ARHGAP20: variants seen among roughly 807,000 people sequenced by gnomAD.
ARHGAP20 encodes the protein Rho GTPase activating protein 20, also known as rho GTPase-activating protein 20.
ARHGAP20 carries 34 observed loss-of-function variants against 73.7 expected under a neutral mutation model. The observed-to-expected ratio is 0.46, with a 90% CI of 0.35 to 0.61. The LOEUF is 0.61. Among genes scored for constraint, ARHGAP20 ranks in the 20% least tolerant of loss-of-function variants. ARHGAP20 has a pLI of 0.00. For missense variants in ARHGAP20, 1,314 were observed against 1,420.9 expected (o/e 0.92, Z 1.21); for synonymous variants, 523 against 518.2 (o/e 1.01, Z -0.13).
At chr11:110,693,056 G>A (rs949551645) in intron 1 of ARHGAP20, among the ~76,000 whole-genome samples, 1 of 151,960 alleles carries the variant, frequency 6.6e-6, no homozygotes, top group Admixed American at 6.6e-5. Flanking sequence ...TCAAAGAAGG[G>A]TGACAAATTT....
intron 1 of ARHGAP20, among the ~76,000 whole-genome samples, chr11:110,696,684 T>C (rs185589453): frequency 1.3e-5 from 2 of 151,712 alleles, no homozygotes; most frequent in Non-Finnish European, 3.0e-5. Context: ...ATAGTGAACA[T>C]TGTATCTGAT....
At chr11:110,706,115 T>A (rs1281048696) in intron 1 of ARHGAP20, among the ~76,000 whole-genome samples, 1 of 152,140 alleles carries the variant, frequency 6.6e-6, no homozygotes, top group African/African-American at 2.4e-5. Context: ...CTCCAAAGAA[T>A]GTATACTCTT....
At chr11:110,704,658 G>C (rs1049762052) in intron 1 of ARHGAP20, among the ~76,000 whole-genome samples, 1 of 152,144 alleles carries the variant, frequency 6.6e-6, no homozygotes, top group African/African-American at 2.4e-5. Flanking sequence ...CATTGTGGCA[G>C]AGTCTCCCGT....
At chr11:110,664,534 C>G (rs1949681036) in intron 2 of ARHGAP20, among the ~76,000 whole-genome samples, 1 of 152,024 alleles carries the variant, frequency 6.6e-6, no homozygotes, top group Admixed American at 6.5e-5. Context: ...GGAGACCATC[C>G]TGGCTAACAC....
intron 2 of ARHGAP20, among the ~76,000 whole-genome samples, chr11:110,638,153 T>C (rs944834934): frequency 1.3e-5 from 2 of 152,026 alleles, no homozygotes; most frequent in South Asian, 2.1e-4. Context: ...TATGACACCA[T>C]AAGTACAAAT....
At chr11:110,630,008 G>A (rs949196941) in intron 3 of ARHGAP20, among the ~76,000 whole-genome samples, 4 of 152,154 alleles carry the variant, frequency 2.6e-5, no homozygotes, top group African/African-American at 4.8e-5. Context: ...AGCCTACACA[G>A]GTCCTTATAA....
At chr11:110,659,425 A>T in intron 2 of ARHGAP20, among the ~76,000 whole-genome samples, 1 of 149,228 alleles carries the variant, frequency 6.7e-6, no homozygotes, top group East Asian at 2.0e-4. Context: ...TTTTCTTGTA[A>T]ATTTGTTTGA....
rs773355613 is a variant in ARHGAP20 at position 110,688,049 on chromosome 11, A to C, written c.188+2498T>G. Among the ~76,000 whole-genome samples, 9 of 152,328 alleles carry C rather than the reference A, an allele frequency of 5.9e-5. No homozygotes were observed. The East Asian group carries it at 1.5e-3, about 26-fold the overall frequency. ...AAAATACTTTGTGCTTATATATAAA[A>C]TAGGTTACAGGCATAGATAATTATA... On this transcript the variant is annotated intron_variant, in intron 2 of 14. Transcript: ENST00000683387.
chr11:110,597,289 A>G, intron 9 of ARHGAP20, among the ~76,000 whole-genome samples: 1 of 135,380 alleles, frequency 7.4e-6, no homozygotes, highest in East Asian at 2.0e-4. Context: ...TAATAATAAT[A>G]AAATTAAAAA....
At chr11:110,588,163 A>G (rs577406453) in intron 11 of ARHGAP20, among the ~76,000 whole-genome samples, 3 of 152,282 alleles carry the variant, frequency 2.0e-5, no homozygotes, top group African/African-American at 7.2e-5. Context: ...ACGAAATACC[A>G]CCATCATCAC....
intron 4 of ARHGAP20, among the ~76,000 whole-genome samples, chr11:110,623,944 T>A (rs1406834632): frequency 6.6e-6 from 1 of 152,210 alleles, no homozygotes; most frequent in African/African-American, 2.4e-5. Flanking sequence ...TTTCACATAT[T>A]TTAATCAAAA....
chr11:110,611,355 G>A lies in ARHGAP20; in HGVS notation c.662C>T (p.Thr221Ile), dbSNP rs774529803. ...SKTITVMNSDTANEVINMSLP... is the reference protein window; with the variant it reads ...SKTITVMNSDIANEVINMSLP... ...TGACATGTTGATAACTTCATTCGCT[G>A]TATCTGAATTCATTACTGTTATAGT... The change falls in exon 7 of 15, where the codon ACA becomes ATA. Residue 221 changes from threonine (T) to isoleucine (I), a missense_variant. Physicochemically the swap from Thr to Ile is moderately conservative, Grantham distance 89. Around this residue, in one of 3 missense-constraint regions of ARHGAP20, gnomAD observed 443 missense variants for 466.4 expected, o/e 0.95. Coordinates refer to ENST00000683387, the MANE Select transcript of ARHGAP20 (RefSeq NM_001384657.1). 1 of 1,563,854 alleles carries A rather than the reference G, an allele frequency of 6.4e-7. No homozygotes were observed. The highest frequency in any genetic ancestry group is 8.7e-7 in the Non-Finnish European group (1 of 1,150,222).
At chr11:110,675,615 T>C (rs923153791) in intron 2 of ARHGAP20, among the ~76,000 whole-genome samples, 1 of 152,068 alleles carries the variant, frequency 6.6e-6, no homozygotes, top group Non-Finnish European at 1.5e-5. Flanking sequence ...CAGTTCACAG[T>C]AGGGATTGTG....
At chr11:110,638,313 A>G (rs1030837895) in intron 2 of ARHGAP20, among the ~76,000 whole-genome samples, 4 of 152,108 alleles carry the variant, frequency 2.6e-5, no homozygotes, top group Non-Finnish European at 5.9e-5. Context: ...ATTATCTATA[A>G]GCAAATATTC....
intron 1 of ARHGAP20, among the ~76,000 whole-genome samples, chr11:110,705,879 G>C (rs1250717061): frequency 6.6e-6 from 1 of 152,184 alleles, no homozygotes; most frequent in Admixed American, 6.6e-5. Flanking sequence ...AAGCAAGGCT[G>C]AGGTATCAGC....
In ARHGAP20 at chr11:110,579,980, G is replaced by C. The variant is rs1395797287; in HGVS notation, c.2966C>G (p.Ser989Cys). The C allele has an allele frequency of 1.2e-6, 2 of 1,614,186 alleles. No individual in the cohort carries two copies. The highest frequency in any genetic ancestry group is 2.2e-5 in the South Asian group (2 of 91,078). Residue 989 changes from serine to cysteine, a missense_variant, in exon 15 of 15, where the codon TCT becomes TGT. Physicochemically the swap from Ser to Cys is moderately radical, Grantham distance 112. Coordinates refer to ENST00000683387, the MANE Select transcript of ARHGAP20 (RefSeq NM_001384657.1). ...ATGGCTGGCATTGCTAAAGTCAGGA[G>C]AAAGGTCTTCCCGTTTTCTCTGAGC... is the stretch of plus-strand genomic sequence containing the variant. ...FQAQRKREDL[S>C]PDFSNASHVS...
intron 2 of ARHGAP20, among the ~76,000 whole-genome samples, chr11:110,637,849 T>A (rs954221287): frequency 6.6e-6 from 1 of 152,158 alleles, no homozygotes; most frequent in Middle Eastern, 3.4e-3. Context: ...GAGAGACCAA[T>A]GAAGGCTGAA....
In ARHGAP20 at chr11:110,673,373, T is replaced by C. The variant is rs576724811; in HGVS notation, c.188+17174A>G. Among the ~76,000 whole-genome samples, 293 of 152,212 alleles carry C rather than the reference T, an allele frequency of 1.9e-3. 1 individual carries two copies. Among genetic ancestry groups the C allele is most frequent in the African/African-American group, 6.8e-3 (282 of 41,554 alleles). ...AATAACATACTTTTAAAACATATAA[T>C]AGAGTACTCATAAAAACTTAGCTAC... On this transcript the variant is annotated intron_variant, in intron 2 of 14. Transcript: ENST00000683387.
At chr11:110,698,045 C>T (rs1950371017) in intron 1 of ARHGAP20, among the ~76,000 whole-genome samples, 1 of 151,656 alleles carries the variant, frequency 6.6e-6, no homozygotes, top group Admixed American at 6.6e-5. Context: ...CTGATTTTTC[C>T]AGTCTATGAG....
Sources: gnomAD v4.1 joint callset for allele counts (sites outside exome capture counted in the v4.1 genomes callset) on GRCh38, gnomAD v4.1.1 for gene constraint, gnomAD v4.1.1 regional missense constraint, MANE v1.5 for transcripts, NCBI Gene and HGNC (gene_info 2026-07-23, HGNC 2026-07-21) for gene names.